Variants in OPCML observed in about 807,000 individuals in gnomAD.
OPCML encodes the protein opioid-binding protein/cell adhesion molecule.
Under a neutral mutation model 37.8 loss-of-function variants are expected in OPCML, and 13 were observed. The observed-to-expected ratio is 0.34, with a 90% confidence interval of 0.22 to 0.55. The LOEUF (loss-of-function observed/expected upper bound fraction) is 0.55. Ranked by LOEUF, OPCML falls within the 20% of genes least tolerant of loss-of-function variation. OPCML has a pLI of 0.91. For synonymous variants in OPCML, 176 were observed against 168.8 expected (o/e 1.04, Z -0.33); for missense variants, 341 against 435.6 (o/e 0.78, Z 1.93).
At chr11:133,238,609 C>G (rs1216345760) in intron 1 of OPCML, among the ~76,000 whole-genome samples, 1 of 152,136 alleles carries the variant, frequency 6.6e-6, no homozygotes, top group Non-Finnish European at 1.5e-5. Flanking sequence ...CACCCACCTG[C>G]AAGTGCAGGC....
At chr11:132,706,006 C>T (rs1055602675) in intron 2 of OPCML, among the ~76,000 whole-genome samples, 5 of 152,096 alleles carry the variant, frequency 3.3e-5, no homozygotes, top group Non-Finnish European at 7.4e-5. Flanking sequence ...CGGGGTTTCA[C>T]CATGTTGGCC....
chr11:132,779,741 A>T (rs1328011746), intron 2 of OPCML, among the ~76,000 whole-genome samples: 1 of 152,146 alleles, frequency 6.6e-6, no homozygotes, highest in Non-Finnish European at 1.5e-5. Context: ...TGTAATACAA[A>T]TAGGGAGCAG....
chr11:132,659,704 CTGTGTGTGTGTGTG>C (rs58318033), intron 2 of OPCML, among the ~76,000 whole-genome samples: 1 of 147,232 alleles, frequency 6.8e-6, no homozygotes, highest in Non-Finnish European at 1.5e-5. Flanking sequence ...CACAAAATTC[CTGTGTGTGTGTGTG>C]TGTGTGTGTG....
chr11:133,169,396 A>G (rs554674047), intron 1 of OPCML, among the ~76,000 whole-genome samples: 1 of 152,346 alleles, frequency 6.6e-6, no homozygotes, highest in African/African-American at 2.4e-5. Context: ...GCATGCACAG[A>G]TGAGAGAAAC....
At chr11:132,926,611 G>C (rs1309569790) in intron 2 of OPCML, among the ~76,000 whole-genome samples, 1 of 152,098 alleles carries the variant, frequency 6.6e-6, no homozygotes, top group Non-Finnish European at 1.5e-5. Flanking sequence ...AGCTTACAAA[G>C]ACTTGAAGAG....
At chr11:133,134,606 G>A (rs1387612763) in intron 1 of OPCML, among the ~76,000 whole-genome samples, 2 of 152,290 alleles carry the variant, frequency 1.3e-5, no homozygotes, top group Middle Eastern at 3.4e-3. Flanking sequence ...GCGTCGCCTC[G>A]GCCATGGGCT....
chr11:133,008,296 C>T (rs578022467), intron 1 of OPCML: 35 of 985,306 alleles, frequency 3.6e-5, no homozygotes, highest in Non-Finnish European at 4.0e-5. Context: ...AATTGTGGTG[C>T]ATAACTACTG....
intron 3 of OPCML, among the ~76,000 whole-genome samples, chr11:132,624,130 T>A (rs1204849474): frequency 6.6e-6 from 1 of 152,236 alleles, no homozygotes; most frequent in East Asian, 1.9e-4. Flanking sequence ...CTTCAACATT[T>A]ATTTGTAGGG....
intron 4 of OPCML, among the ~76,000 whole-genome samples, chr11:132,508,461 C>CA (rs35103690): frequency 0.074 from 10,506 of 142,800 alleles, 452 homozygotes; most frequent in East Asian, 0.19. Context: ...CAATGGATGC[C>CA]AAAAAAAACA....
intron 1 of OPCML, among the ~76,000 whole-genome samples, chr11:133,528,070 G>A (rs1239122289): frequency 2.6e-5 from 4 of 152,230 alleles, no homozygotes; most frequent in African/African-American, 4.8e-5. Flanking sequence ...GGCCAAGGGT[G>A]CTAAGAATTC....
intron 1 of OPCML, among the ~76,000 whole-genome samples, chr11:133,303,659 T>C (rs1055015824): frequency 6.6e-6 from 1 of 152,212 alleles, no homozygotes; most frequent in African/African-American, 2.4e-5. Flanking sequence ...AGATTGACCT[T>C]GGCCTATTAC....
rs1375432719 is a variant in OPCML at position 133,212,601 on chromosome 11, G to A, written c.62-269591C>T. On this transcript the variant is annotated intron_variant, in intron 1 of 7. Transcript: ENST00000524381. The surrounding 1 kb of genome is among the most constrained non-coding windows in gnomAD (Gnocchi z 4.9). Reference sequence around the variant, plus strand: ...CTTACTCTCTTTTACTTTCTCACTTGTCCAAAGCCCTTGTCATCTTCTAAC... The same window carrying A: ...CTTACTCTCTTTTACTTTCTCACTTATCCAAAGCCCTTGTCATCTTCTAAC... 1.3e-5 allele frequency among the ~76,000 whole-genome samples: 2 copies of A among 152,132 alleles called. No individual in the cohort carries two copies. The highest frequency in any genetic ancestry group is 4.1e-4 in the South Asian group (2 of 4,826).
intron 1 of OPCML, chr11:133,117,969 A>T (rs1040168765): frequency 1.0e-6 from 1 of 980,878 alleles, no homozygotes; most frequent in Non-Finnish European, 1.2e-6. Context: ...ATCCTTGGGG[A>T]ACTGCAAGTG....
At chr11:132,526,989 A>AT (rs892136373) in intron 4 of OPCML, among the ~76,000 whole-genome samples, 3 of 152,050 alleles carry the variant, frequency 2.0e-5, no homozygotes, top group Non-Finnish European at 4.4e-5. Flanking sequence ...TACAGCATGT[A>AT]TTTTTTAATT....
At chr11:132,755,485 C>T (rs978673578) in intron 2 of OPCML, among the ~76,000 whole-genome samples, 3 of 152,064 alleles carry the variant, frequency 2.0e-5, no homozygotes, top group Admixed American at 6.6e-5. Context: ...ATATATTGCA[C>T]GTGGTTGCTA....
At chr11:133,183,281 G>C (rs1937923403) in intron 1 of OPCML, among the ~76,000 whole-genome samples, 1 of 152,162 alleles carries the variant, frequency 6.6e-6, no homozygotes, top group Admixed American at 6.5e-5. Flanking sequence ...GCTGGATAAA[G>C]CAGAGACAGA....
At chr11:132,797,142 A>G (rs1420212710) in intron 2 of OPCML, among the ~76,000 whole-genome samples, 8 of 152,018 alleles carry the variant, frequency 5.3e-5, no homozygotes, top group Admixed American at 3.9e-4. Context: ...TTCTTTTGTC[A>G]CTTGTGTTTT....
At chr11:133,483,415 AATAG>A (rs1412827573) in intron 1 of OPCML, among the ~76,000 whole-genome samples, 18 of 151,958 alleles carry the variant, frequency 1.2e-4, no homozygotes, top group African/African-American at 3.1e-4. Flanking sequence ...TGATAGATTA[AATAG>A]ATAGATAATA....
chr11:132,474,744 G>A (rs142839925), intron 4 of OPCML, among the ~76,000 whole-genome samples: 1 of 152,248 alleles, frequency 6.6e-6, no homozygotes, highest in Non-Finnish European at 1.5e-5. Flanking sequence ...TCACCAGGGT[G>A]GAGCACCACC....
Sources: gnomAD v4.1 joint callset for allele counts (sites outside exome capture counted in the v4.1 genomes callset) on GRCh38, gnomAD v4.1.1 for gene constraint, Gnocchi (gnomAD v3.1) non-coding constraint, MANE v1.5 for transcripts, NCBI Gene and HGNC (gene_info 2026-07-23, HGNC 2026-07-21) for gene names.